The following LEF1 variants were observed in gnomAD, a reference collection of about 807,000 sequenced individuals.
The protein encoded by LEF1 is lymphoid enhancer binding factor 1.
In LEF1, 14 loss-of-function variants were observed where a neutral mutation model predicts 51.2. The observed-to-expected ratio is 0.27, with a 90% confidence interval of 0.18 to 0.43. The LOEUF is 0.43. Among genes scored for constraint, LEF1 ranks in the 20% least tolerant of loss-of-function variants. The probability of loss-of-function intolerance (pLI) is 1.00; values close to 1 mark genes in which losing one functional copy is unlikely to be tolerated. For synonymous variants in LEF1, 185 were observed against 183.2 expected, an observed-to-expected ratio of 1.01 and a Z score of -0.08; for missense variants, 386 against 512.0, an observed-to-expected ratio of 0.75 and a Z score of 2.37.
At chr4:108,106,852 A>C (rs565196249) in intron 3 of LEF1, among the ~76,000 whole-genome samples, 1 of 152,348 alleles carries the variant, frequency 6.6e-6, no homozygotes, top group South Asian at 2.1e-4. Context: ...GGGAGTTTAC[A>C]CATATTTACA....
In LEF1 at chr4:108,119,987, T is replaced by A. The variant is rs889163472; in HGVS notation, c.415-30730A>T. On this transcript the variant is annotated intron_variant, in intron 3 of 11. Coordinates refer to ENST00000265165, the MANE Select transcript of LEF1 (RefSeq NM_016269.5). ...AGTTGTACCATTATATGTGTATATTTTATATATGTGTGTGTGTGTGTGTGT... is the reference window on the plus strand; with the variant it reads ...AGTTGTACCATTATATGTGTATATTATATATATGTGTGTGTGTGTGTGTGT... Among the ~76,000 whole-genome samples, 3 of 44,872 alleles carry A rather than the reference T, an allele frequency of 6.7e-5. No individual in the cohort carries two copies. The Admixed American group carries it at 6.7e-4, about 10-fold the overall frequency. 29.4% of individuals were successfully genotyped at this position (44,872 alleles called of 152,430 possible).
At chr4:108,096,141 C>A (rs1203618533) in intron 3 of LEF1, among the ~76,000 whole-genome samples, 1 of 152,012 alleles carries the variant, frequency 6.6e-6, no homozygotes, top group Non-Finnish European at 1.5e-5. Context: ...TAAAATAGTA[C>A]AAGTAAGGCA....
chr4:108,099,984 T>G (rs960935848), intron 3 of LEF1, among the ~76,000 whole-genome samples: 1 of 152,156 alleles, frequency 6.6e-6, no homozygotes, highest in African/African-American at 2.4e-5. Flanking sequence ...AACTCATTCC[T>G]TGACAAGTAA....
At chr4:108,108,661 T>C (rs368527971) in intron 3 of LEF1, among the ~76,000 whole-genome samples, 3 of 152,190 alleles carry the variant, frequency 2.0e-5, no homozygotes, top group East Asian at 3.9e-4. Context: ...GACTTTTCCA[T>C]GTGGTAAACA....
At chr4:108,152,418 A>T (rs1744413310) in intron 3 of LEF1, among the ~76,000 whole-genome samples, 1 of 152,210 alleles carries the variant, frequency 6.6e-6, no homozygotes, top group Non-Finnish European at 1.5e-5. Flanking sequence ...ATGTGATTTA[A>T]TCCCACAGCC....
intron 3 of LEF1, among the ~76,000 whole-genome samples, chr4:108,123,231 A>C (rs1463391468): frequency 6.6e-6 from 1 of 152,150 alleles, no homozygotes; most frequent in Non-Finnish European, 1.5e-5. Flanking sequence ...GTCACCCTTG[A>C]TAATATGAAC....
rs143101081 is a variant in LEF1 at position 108,080,989 on chromosome 4, G to A, written c.722+597C>T. Among the ~76,000 whole-genome samples the A allele has an allele frequency of 7.5e-3, 1,114 of 148,010 alleles. 17 individuals carry two copies. The highest frequency in any genetic ancestry group is 0.037 in the Admixed American group (550 of 14,892). The stretch of plus-strand genomic sequence containing the variant: ...ACACACAGCAGCTTCTCGGTGCGGC[G>A]CGGCAGGCCTCCCGAGCTCCGCTGG... On this transcript the variant is annotated intron_variant, in intron 6 of 11. Transcript: ENST00000265165.
intron 3 of LEF1, among the ~76,000 whole-genome samples, chr4:108,134,879 C>G (rs1191281254): frequency 6.6e-6 from 1 of 152,182 alleles, no homozygotes; most frequent in Non-Finnish European, 1.5e-5. Context: ...AATGATAACC[C>G]ACCCAGCATC....
At chr4:108,058,702 A>G (rs1318924239) in intron 11 of LEF1, among the ~76,000 whole-genome samples, 1 of 152,178 alleles carries the variant, frequency 6.6e-6, no homozygotes, top group Non-Finnish European at 1.5e-5. Flanking sequence ...TCACAGCATA[A>G]AACATACTCT....
intron 3 of LEF1, among the ~76,000 whole-genome samples, chr4:108,122,425 G>C (rs1351157454): frequency 6.6e-6 from 1 of 151,842 alleles, no homozygotes; most frequent in African/African-American, 2.4e-5. Flanking sequence ...AATTTCTTCA[G>C]ATCCCTCGTT....
intron 3 of LEF1, among the ~76,000 whole-genome samples, chr4:108,126,631 C>T (rs1301506513): frequency 4.0e-5 from 6 of 151,516 alleles, no homozygotes; most frequent in South Asian, 2.1e-4. Context: ...GGTGAAACAC[C>T]GTCTCTACTA....
chr4:108,071,060 T>A (rs899850832), intron 8 of LEF1, among the ~76,000 whole-genome samples: 1 of 152,154 alleles, frequency 6.6e-6, no homozygotes, highest in South Asian at 2.1e-4. Flanking sequence ...CTTTCTCTTT[T>A]CCAATATAAA....
intron 3 of LEF1, among the ~76,000 whole-genome samples, chr4:108,144,588 C>A (rs1480726618): frequency 6.6e-6 from 1 of 152,166 alleles, no homozygotes; most frequent in Non-Finnish European, 1.5e-5. Flanking sequence ...CACAGTACAT[C>A]TTTGGTTTAA....
At chr4:108,081,860 C>T (rs1739329481) in intron 5 of LEF1, among the ~76,000 whole-genome samples, 191 bp from the exon 6 acceptor site, 1 of 152,178 alleles carries the variant, frequency 6.6e-6, no homozygotes, top group Admixed American at 6.5e-5. Flanking sequence ...TGTCATTTGC[C>T]TTGAAAGAAA....
At chr4:108,148,191 AT>A (rs1358604723) in intron 3 of LEF1, among the ~76,000 whole-genome samples, 2 of 152,150 alleles carry the variant, frequency 1.3e-5, no homozygotes, top group Non-Finnish European at 2.9e-5. Flanking sequence ...AAACTTGTTC[AT>A]TTCAAATGCT....
intron 3 of LEF1, among the ~76,000 whole-genome samples, chr4:108,113,635 C>G (rs1020308017): frequency 5.3e-5 from 8 of 152,122 alleles, no homozygotes; most frequent in Non-Finnish European, 1.0e-4. Context: ...ATCTGCTCTT[C>G]GAAGAATTCA....
chr4:108,107,432 C>T (rs1005991124), intron 3 of LEF1, among the ~76,000 whole-genome samples: 4 of 151,844 alleles, frequency 2.6e-5, no homozygotes, highest in East Asian at 3.9e-4. Flanking sequence ...AGGTAATTTT[C>T]GTCTCTTATG....
At chr4:108,121,780 C>A (rs1344420971) in intron 3 of LEF1, among the ~76,000 whole-genome samples, 4 of 152,196 alleles carry the variant, frequency 2.6e-5, no homozygotes, top group Non-Finnish European at 5.9e-5. Flanking sequence ...ATTTTTACTG[C>A]ACCTTTTAGT....
intron 11 of LEF1, among the ~76,000 whole-genome samples, chr4:108,055,666 T>C (rs1184170903): frequency 1.3e-5 from 2 of 152,328 alleles, no homozygotes; most frequent in South Asian, 4.1e-4. Flanking sequence ...TGAACAATAC[T>C]AAACATGAAG....
Sources: gnomAD v4.1 joint callset for allele counts (sites outside exome capture counted in the v4.1 genomes callset) on GRCh38, gnomAD v4.1.1 for gene constraint, MANE v1.5 for transcripts, NCBI Gene and HGNC (gene_info 2026-07-23, HGNC 2026-07-21) for gene names.